The following PANK2 variants were observed in gnomAD, a reference collection of about 807,000 sequenced individuals.
The protein encoded by PANK2 is pantothenate kinase 2, also known as pantothenate kinase 2, mitochondrial.
A neutral mutation model predicts 43.1 loss-of-function variants in PANK2; 36 were observed. That is an observed-to-expected ratio of 0.84 (90% CI 0.64 to 1.10). PANK2 has a LOEUF of 1.10. Among genes scored for constraint, PANK2 ranks in the 50% least tolerant of loss-of-function variants. PANK2 has a pLI of 0.00. For missense variants in PANK2, 576 were observed against 593.3 expected, an observed-to-expected ratio of 0.97 and a Z score of 0.30; for synonymous variants, 281 against 238.2, an observed-to-expected ratio of 1.18 and a Z score of -1.66.
rs767219073 is a variant in PANK2 at position 3,889,634 on chromosome 20, G to C, written c.204G>C (p.Ser68=). The change falls in exon 1 of 7, where the codon TCG becomes TCC. Residue 68 remains serine, a synonymous_variant. Transcript: ENST00000610179. The stretch of plus-strand genomic sequence containing the variant: ...CGTCGGTGCCCGCGGTCGGGGCCTC[G>C]GCTGAGGGCACGAGGCGGGATCGAC... 17 of 1,570,464 alleles carry C rather than the reference G, an allele frequency of 1.1e-5. No homozygotes were observed. Among genetic ancestry groups the C allele is most frequent in the Non-Finnish European group, 1.3e-5 (15 of 1,167,150 alleles).
Position 3,923,666 on chromosome 20 carries a change from G to C in PANK2, c.*372G>C, listed in dbSNP as rs2090681243. Reference sequence around the variant, plus strand: ...GTTTGAACTTGCTGAATGTAAGGCAGGCTACTATGCGTTATAATCTAATCA... The same window carrying C: ...GTTTGAACTTGCTGAATGTAAGGCACGCTACTATGCGTTATAATCTAATCA... On this transcript the variant is annotated 3_prime_UTR_variant, in exon 7 of 7. Coordinates refer to ENST00000610179, the MANE Select transcript of PANK2 (RefSeq NM_001386393.1). The C allele has an allele frequency of 9.1e-6, 3 of 330,034 alleles. No homozygotes were observed. The highest frequency in any genetic ancestry group is 1.1e-5 in the Non-Finnish European group (2 of 174,758). The allele number at this position is 330,034 out of a possible 1,614,324, so 20.4% of individuals were successfully genotyped here. A position where few individuals can be genotyped will look rare whatever the true frequency, so the allele number is the denominator to read the frequency against.
intron 1 of PANK2, among the ~76,000 whole-genome samples, chr20:3,906,797 C>T (rs1487801128): frequency 2.6e-5 from 4 of 151,714 alleles, no homozygotes; most frequent in Admixed American, 2.0e-4. Flanking sequence ...GATCCAATCT[C>T]TTCAGGCCTT....
Position 3,923,531 on chromosome 20 carries a change from A to G in PANK2, c.*237A>G, listed in dbSNP as rs1167382513. ...TGGCACATGTCCAGGCAGTGTGAGG[A>G]TTTGCTGTATATAAGTTGCCTGCTT... is the stretch of plus-strand genomic sequence containing the variant. On this transcript the variant is annotated 3_prime_UTR_variant, in exon 7 of 7. Coordinates refer to ENST00000610179, the MANE Select transcript of PANK2 (RefSeq NM_001386393.1). 3.5e-6 allele frequency: 2 copies of G among 575,578 alleles called. No homozygotes were observed. The highest frequency in any genetic ancestry group is 3.8e-5 in the African/African-American group (2 of 53,208). 35.7% of individuals were successfully genotyped at this position (575,578 alleles called of 1,614,324 possible).
intron 1 of PANK2, among the ~76,000 whole-genome samples, chr20:3,897,959 G>A (rs2090236682): frequency 1.3e-5 from 2 of 151,994 alleles, no homozygotes; most frequent in South Asian, 4.1e-4. Context: ...GTGAGCTGAG[G>A]TCTGTCGCTG....
intron 1 of PANK2, among the ~76,000 whole-genome samples, chr20:3,906,791 C>G (rs2090393383): frequency 6.7e-6 from 1 of 150,038 alleles, no homozygotes; most frequent in Non-Finnish European, 1.5e-5. Context: ...CACTTTGATC[C>G]AATCTCTTCA....
intron 1 of PANK2, among the ~76,000 whole-genome samples, chr20:3,897,281 G>A (rs1024590510): frequency 6.6e-6 from 1 of 152,162 alleles, no homozygotes; most frequent in African/African-American, 2.4e-5. Flanking sequence ...TCAAGTATAG[G>A]TTGTCTAGAC....
chr20:3,911,998 T>A (rs531975797), intron 3 of PANK2, among the ~76,000 whole-genome samples: 38 of 152,284 alleles, frequency 2.5e-4, no homozygotes, highest in African/African-American at 8.7e-4. Flanking sequence ...ACAATTTTTT[T>A]AAAAAAACAG....
intron 1 of PANK2, among the ~76,000 whole-genome samples, chr20:3,895,452 G>T (rs2090190386): frequency 6.7e-6 from 1 of 150,292 alleles, no homozygotes; most frequent in South Asian, 2.1e-4. Context: ...CACTGCACTC[G>T]AGCCTGGGCG....
intron 1 of PANK2, among the ~76,000 whole-genome samples, chr20:3,891,567 TGTTA>T (rs1279349202): frequency 5.9e-5 from 9 of 152,254 alleles, no homozygotes; most frequent in Admixed American, 1.3e-4. Flanking sequence ...ATTTACGTTC[TGTTA>T]GTTATTTCTT....
At chr20:3,892,348 AAAC>A (rs889733508) in intron 1 of PANK2, among the ~76,000 whole-genome samples, 1 of 147,566 alleles carries the variant, frequency 6.8e-6, no homozygotes, top group East Asian at 1.9e-4. Flanking sequence ...CTCAAAAAAA[AAAC>A]AAAAAAAAAG....
At chr20:3,921,698 G>A (rs1458121710) in intron 6 of PANK2, 1 of 152,032 alleles carries the variant, frequency 6.6e-6, no homozygotes, top group Non-Finnish European at 1.5e-5. Context: ...AACCAAAGAT[G>A]GTCAATATGC....
chr20:3,919,317 G>A (rs2090612448), intron 6 of PANK2, among the ~76,000 whole-genome samples: 1 of 109,840 alleles, frequency 9.1e-6, no homozygotes, highest in Non-Finnish European at 1.9e-5. Context: ...GAATTTTAGA[G>A]AAAAACCCTT....
chr20:3,905,352 T>C (rs79167759), intron 1 of PANK2, among the ~76,000 whole-genome samples: 3 of 136,024 alleles, frequency 2.2e-5, no homozygotes, highest in Non-Finnish European at 4.8e-5. Context: ...TGCTATCTCT[T>C]TTTTTTTTTT....
intron 6 of PANK2, chr20:3,921,197 C>T (rs1431600371): frequency 7.0e-6 from 1 of 143,380 alleles, no homozygotes; most frequent in Non-Finnish European, 1.5e-5. Context: ...CTATCCCTCC[C>T]CCCTCCCCCC....
At chr20:3,905,771 A>G (rs2146853642) in intron 1 of PANK2, among the ~76,000 whole-genome samples, 1 of 140,304 alleles carries the variant, frequency 7.1e-6, no homozygotes, top group South Asian at 2.3e-4. Flanking sequence ...GCTGTAGTGC[A>G]GTAGTGCTGT....
At chr20:3,910,900 T>G in intron 3 of PANK2, 70 bp downstream of exon 3, 1 of 1,553,580 alleles carries the variant, frequency 6.4e-7, no homozygotes, top group East Asian at 2.2e-5. Flanking sequence ...GTATTACATG[T>G]AACTACACCT....
At chr20:3,900,125 C>T (rs1378951328) in intron 1 of PANK2, among the ~76,000 whole-genome samples, 1 of 151,790 alleles carries the variant, frequency 6.6e-6, no homozygotes, top group East Asian at 1.9e-4. Context: ...TTGCTTGATA[C>T]AGTGGAGTAG....
At chr20:3,905,208 C>A (rs532081240) in intron 1 of PANK2, among the ~76,000 whole-genome samples, 1 of 152,100 alleles carries the variant, frequency 6.6e-6, no homozygotes, top group East Asian at 1.9e-4. Flanking sequence ...CCATGGTAGC[C>A]GCCCTGAACC....
intron 1 of PANK2, among the ~76,000 whole-genome samples, chr20:3,904,585 A>G (rs2090355813): frequency 6.6e-6 from 1 of 152,196 alleles, no homozygotes; most frequent in South Asian, 2.1e-4. Context: ...ATAAAAATAA[A>G]AGGTGAAAAA....
Sources: gnomAD v4.1 joint callset for allele counts (sites outside exome capture counted in the v4.1 genomes callset) on GRCh38, gnomAD v4.1.1 for gene constraint, MANE v1.5 for transcripts, NCBI Gene and HGNC (gene_info 2026-07-23, HGNC 2026-07-21) for gene names.